Variants in PCCA observed in about 807,000 individuals in gnomAD.
The protein encoded by PCCA is propionyl-CoA carboxylase alpha chain, mitochondrial.
A neutral mutation model predicts 101.3 loss-of-function variants in PCCA; 74 were observed. That is an observed-to-expected ratio of 0.73 (90% CI 0.61 to 0.89). The LOEUF is 0.89. Ranked by LOEUF, PCCA falls within the 40% of genes least tolerant of loss-of-function variation. The pLI is 0.00. For synonymous variants in PCCA, 294 were observed against 313.6 expected (o/e 0.94, Z 0.66); for missense variants, 891 against 907.0 (o/e 0.98, Z 0.23).
At chr13:100,252,497 C>G (rs1460440128) in intron 8 of PCCA, among the ~76,000 whole-genome samples, 1 of 151,864 alleles carries the variant, frequency 6.6e-6, no homozygotes. Flanking sequence ...GTGAGAAAAC[C>G]ACATAAGATT....
At chr13:100,258,375 A>G (rs1277792768) in intron 9 of PCCA, among the ~76,000 whole-genome samples, 2 of 152,194 alleles carry the variant, frequency 1.3e-5, no homozygotes, top group Non-Finnish European at 2.9e-5. Context: ...TGTTGTGGCC[A>G]TCTTTGGAAA....
chr13:100,301,100 G>T lies in PCCA; in HGVS notation c.1066-360G>T, dbSNP rs9585397. The stretch of plus-strand genomic sequence containing the variant: ...TGTAGATGCCACGTTAAGTGCAGCA[G>T]AATAGGTTGATTATCGGCCACATTG... On this transcript the variant is annotated intron_variant, in intron 12 of 23. Coordinates refer to ENST00000376285, the MANE Select transcript of PCCA (RefSeq NM_000282.4). Among the ~76,000 whole-genome samples the T allele has an allele frequency of 9.3e-3, 1,412 of 152,312 alleles. 22 individuals carry two copies. The highest frequency in any genetic ancestry group is 0.032 in the African/African-American group (1,346 of 41,576).
chr13:100,520,626 C>T (rs2087198282), intron 22 of PCCA, among the ~76,000 whole-genome samples: 1 of 111,306 alleles, frequency 9.0e-6, no homozygotes, highest in African/African-American at 3.6e-5. Flanking sequence ...CAGAGCGAGA[C>T]TCCGTCTCAA....
intron 1 of PCCA, among the ~76,000 whole-genome samples, chr13:100,099,379 G>A (rs1240308591): frequency 1.3e-5 from 2 of 148,570 alleles, no homozygotes; most frequent in Admixed American, 6.7e-5. Context: ...GTGCAGTGGC[G>A]TGATCTCGGC....
intron 6 of PCCA, among the ~76,000 whole-genome samples, chr13:100,176,233 C>T (rs1311122172): frequency 6.6e-6 from 1 of 152,048 alleles, no homozygotes; most frequent in African/African-American, 2.4e-5. Context: ...AGACAGGACT[C>T]TGAAATTGTG....
At chr13:100,499,246 C>T (rs553253011) in intron 21 of PCCA, among the ~76,000 whole-genome samples, 12 of 152,224 alleles carry the variant, frequency 7.9e-5, no homozygotes, top group Non-Finnish European at 1.2e-4. Flanking sequence ...CCTTTGTCAG[C>T]ATCCGCGCTC....
At chr13:100,383,915 A>G (rs924666255) in intron 19 of PCCA, among the ~76,000 whole-genome samples, 1 of 152,010 alleles carries the variant, frequency 6.6e-6, no homozygotes, top group Non-Finnish European at 1.5e-5. Context: ...CTCTGCTATA[A>G]CTCACCCTTT....
intron 21 of PCCA, among the ~76,000 whole-genome samples, chr13:100,499,552 T>G (rs780321116): frequency 6.6e-6 from 1 of 152,232 alleles, no homozygotes; most frequent in Non-Finnish European, 1.5e-5. Flanking sequence ...GACTTTTATG[T>G]TGGGACAAGT....
intron 7 of PCCA, among the ~76,000 whole-genome samples, chr13:100,232,351 C>CGTGTGCGT (rs1555387984): frequency 0.13 from 16,823 of 131,148 alleles, 1,449 homozygotes; most frequent in East Asian, 0.35. Flanking sequence ...TGTGTGTATG[C>CGTGTGCGT]GTGTGTGTGT....
At chr13:100,288,372 T>C (rs2064857282) in intron 12 of PCCA, among the ~76,000 whole-genome samples, 3 of 152,282 alleles carry the variant, frequency 2.0e-5, no homozygotes, top group Admixed American at 6.5e-5. Flanking sequence ...TCCTAGCTCA[T>C]TGCAGCCTTG....
chr13:100,381,407 G>T (rs1038019376), intron 19 of PCCA, among the ~76,000 whole-genome samples: 27 of 147,532 alleles, frequency 1.8e-4, no homozygotes, highest in Admixed American at 7.4e-4. Context: ...AAAAAAAAAA[G>T]TGTTGGCAAA....
At chr13:100,393,491 C>G (rs1595728240) in intron 19 of PCCA, among the ~76,000 whole-genome samples, 1 of 150,242 alleles carries the variant, frequency 6.7e-6, no homozygotes, top group African/African-American at 2.5e-5. Context: ...TGATCTCAGC[C>G]CACTGCAACC....
At chr13:100,221,793 A>C (rs1319929720) in intron 7 of PCCA, among the ~76,000 whole-genome samples, 2 of 134,326 alleles carry the variant, frequency 1.5e-5, no homozygotes, top group African/African-American at 5.9e-5. Context: ...CCTGGAGTGC[A>C]GTGGTGCGAT....
chr13:100,398,958 A>G (rs1169469530), intron 19 of PCCA, among the ~76,000 whole-genome samples: 1 of 152,156 alleles, frequency 6.6e-6, no homozygotes, highest in East Asian at 1.9e-4. Context: ...TGGATATTTC[A>G]GAAGTATTGT....
intron 10 of PCCA, 46 bp downstream of exon 10, chr13:100,262,877 T>C (rs1369125914): frequency 1.2e-6 from 1 of 800,564 alleles, no homozygotes; most frequent in Admixed American, 1.8e-5. Context: ...TAAAATAATA[T>C]CATTTAATCC....
intron 4 of PCCA, among the ~76,000 whole-genome samples, chr13:100,130,545 A>G (rs1424491776): frequency 1.5e-5 from 2 of 135,658 alleles, no homozygotes; most frequent in Non-Finnish European, 3.1e-5. Flanking sequence ...GGTGTATCCA[A>G]TGGAGAGTTT....
chr13:100,454,448 G>A (rs1336926440), intron 21 of PCCA, among the ~76,000 whole-genome samples: 1 of 152,228 alleles, frequency 6.6e-6, no homozygotes, highest in Non-Finnish European at 1.5e-5. Flanking sequence ...AAGGGGGAAA[G>A]AAATAGTTTG....
At chr13:100,416,951 C>T (rs910747471) in intron 19 of PCCA, among the ~76,000 whole-genome samples, 3 of 152,180 alleles carry the variant, frequency 2.0e-5, no homozygotes, top group African/African-American at 7.2e-5. Flanking sequence ...TCAAGCAATT[C>T]TCCTGCTTCA....
intron 9 of PCCA, among the ~76,000 whole-genome samples, chr13:100,262,366 C>T (rs1039228712): frequency 6.6e-6 from 1 of 151,800 alleles, no homozygotes; most frequent in African/African-American, 2.4e-5. Context: ...TGCACTCCAG[C>T]CTGGGCGACA....
Sources: gnomAD v4.1 joint callset for allele counts (sites outside exome capture counted in the v4.1 genomes callset) on GRCh38, gnomAD v4.1.1 for gene constraint, MANE v1.5 for transcripts, NCBI Gene and HGNC (gene_info 2026-07-23, HGNC 2026-07-21) for gene names.